Variants in NRG3 observed in about 807,000 individuals in gnomAD.
NRG3 encodes neuregulin 3.
Under a neutral mutation model 66.9 loss-of-function variants are expected in NRG3, and 31 were observed. That is an observed-to-expected ratio of 0.46 (90% CI 0.35 to 0.63). The LOEUF is 0.63. Ranked by LOEUF, NRG3 falls within the 20% of genes least tolerant of loss-of-function variation. The pLI is 0.00. For synonymous variants in NRG3, 393 were observed against 359.4 expected (o/e 1.09, Z -1.06); for missense variants, 910 against 878.9 (o/e 1.04, Z -0.45).
At chr10:82,274,017 C>A (rs140904385) in intron 1 of NRG3, among the ~76,000 whole-genome samples, 1 of 150,704 alleles carries the variant, frequency 6.6e-6, no homozygotes, top group Non-Finnish European at 1.5e-5. Flanking sequence ...TTATTGCAAA[C>A]GTTCTTGCAA....
chr10:82,819,629 A>G (rs572200147), intron 3 of NRG3, among the ~76,000 whole-genome samples: 3 of 152,252 alleles, frequency 2.0e-5, no homozygotes, highest in Non-Finnish European at 4.4e-5. Context: ...ATGAGGTGAC[A>G]TACTAAAATA....
chr10:82,170,506 C>T (rs2072487991), intron 1 of NRG3, among the ~76,000 whole-genome samples: 1 of 151,420 alleles, frequency 6.6e-6, no homozygotes, highest in Non-Finnish European at 1.5e-5. Context: ...CCATATGGTT[C>T]ACCATTCAAC....
chr10:82,217,441 G>A (rs1017641623), intron 1 of NRG3, among the ~76,000 whole-genome samples: 2 of 152,198 alleles, frequency 1.3e-5, no homozygotes, highest in Non-Finnish European at 2.9e-5. Flanking sequence ...TACTCTGAGG[G>A]TGAGGCCCAG....
At chr10:82,142,416 G>A (rs1192230473) in intron 1 of NRG3, among the ~76,000 whole-genome samples, 1 of 152,128 alleles carries the variant, frequency 6.6e-6, no homozygotes, top group Non-Finnish European at 1.5e-5. Flanking sequence ...GGATCCTGGG[G>A]TCAAAATGTG....
At chr10:82,076,737 C>T (rs79097622) in intron 1 of NRG3, among the ~76,000 whole-genome samples, 1,988 of 152,264 alleles carry the variant, frequency 0.013, 43 homozygotes, top group East Asian at 0.051. Flanking sequence ...TTACCTTCTG[C>T]CATAAGTGGA....
chr10:82,850,673 A>G lies in NRG3; in HGVS notation c.1028-14738A>G, dbSNP rs2063517358. On this transcript the variant is annotated intron_variant, in intron 3 of 8. Coordinates refer to ENST00000372141, the MANE Select transcript of NRG3 (RefSeq NM_001010848.4). ...TGTTTAAATATTTTGTTTAGTTGCC[A>G]TACAAATTACCTTATTTTAGACTCC... is the stretch of plus-strand genomic sequence containing the variant. Among the ~76,000 whole-genome samples the G allele has an allele frequency of 2.0e-5, 3 of 152,086 alleles. No homozygotes were observed. The South Asian group carries it at 6.2e-4, about 32-fold the overall frequency.
intron 1 of NRG3, among the ~76,000 whole-genome samples, chr10:82,199,766 C>G (rs2074673494): frequency 6.6e-6 from 1 of 152,024 alleles, no homozygotes. Context: ...ACACTTGGTG[C>G]CTACAATATT....
intron 4 of NRG3, among the ~76,000 whole-genome samples, chr10:82,941,158 G>A (rs1164023040): frequency 6.6e-6 from 1 of 152,024 alleles, no homozygotes; most frequent in Non-Finnish European, 1.5e-5. Context: ...AGGGTTGCTT[G>A]TAGCAAGGCT....
intron 2 of NRG3, among the ~76,000 whole-genome samples, chr10:82,379,707 G>T (rs1589915449): frequency 6.6e-6 from 1 of 152,002 alleles, no homozygotes; most frequent in Admixed American, 6.6e-5. Context: ...TTGGACATTA[G>T]TATCTTTGTA....
At chr10:82,554,173 AT>A (rs1819440048) in intron 2 of NRG3, among the ~76,000 whole-genome samples, 1 of 152,150 alleles carries the variant, frequency 6.6e-6, no homozygotes, top group South Asian at 2.1e-4. Context: ...ATTTCACAGT[AT>A]GTTTTAAGTG....
At chr10:82,640,870 G>A (rs1408049884) in intron 2 of NRG3, among the ~76,000 whole-genome samples, 1 of 151,976 alleles carries the variant, frequency 6.6e-6, no homozygotes, top group Admixed American at 6.6e-5. Context: ...TTTTTAAAGT[G>A]CCTTGCAAAT....
intron 2 of NRG3, among the ~76,000 whole-genome samples, chr10:82,484,393 C>T (rs1213149440): frequency 1.3e-5 from 2 of 152,102 alleles, no homozygotes; most frequent in Non-Finnish European, 2.9e-5. Flanking sequence ...TAGCTTTGTC[C>T]TTGGGTTTGT....
intron 1 of NRG3, among the ~76,000 whole-genome samples, chr10:81,932,590 A>G (rs1216945282): frequency 6.6e-6 from 1 of 152,206 alleles, no homozygotes; most frequent in Non-Finnish European, 1.5e-5. Flanking sequence ...CTCATGCATC[A>G]TCCCTCTGAA....
intron 1 of NRG3, among the ~76,000 whole-genome samples, chr10:82,208,818 G>A (rs532967856): frequency 1.0e-3 from 153 of 152,132 alleles, no homozygotes; most frequent in African/African-American, 3.6e-3. Flanking sequence ...TGGCTCATTA[G>A]CAAGCTGTTG....
chr10:82,325,935 T>G (rs1048020152), intron 1 of NRG3, among the ~76,000 whole-genome samples: 1 of 152,232 alleles, frequency 6.6e-6, no homozygotes, highest in African/African-American at 2.4e-5. Context: ...TTGGAATATT[T>G]AAATGAAAAG....
chr10:82,907,736 C>G (rs765602078), intron 4 of NRG3, among the ~76,000 whole-genome samples: 52 of 152,174 alleles, frequency 3.4e-4, no homozygotes, highest in Non-Finnish European at 7.4e-5. Context: ...TTTAATTCCA[C>G]AGGTATTTTT....
At chr10:82,474,489 G>T (rs1292076276) in intron 2 of NRG3, among the ~76,000 whole-genome samples, 14 of 152,054 alleles carry the variant, frequency 9.2e-5, no homozygotes, top group African/African-American at 2.4e-5. Context: ...TCACTAGAAG[G>T]GTTCAACAGC....
At chr10:82,879,421 C>G (rs1479860313) in intron 4 of NRG3, among the ~76,000 whole-genome samples, 2 of 151,276 alleles carry the variant, frequency 1.3e-5, no homozygotes, top group East Asian at 1.9e-4. Flanking sequence ...GAGATTTCCT[C>G]TGCTTAAGCA....
At chr10:82,857,910 A>G (rs1277971781) in intron 3 of NRG3, among the ~76,000 whole-genome samples, 2 of 152,188 alleles carry the variant, frequency 1.3e-5, no homozygotes, top group Non-Finnish European at 2.9e-5. Flanking sequence ...AAAAGGATGA[A>G]GTGATAATAT....
Sources: allele counts gnomAD v4.1 joint callset (sites outside exome capture counted in the v4.1 genomes callset), GRCh38; gene constraint gnomAD v4.1.1; transcripts MANE v1.5; gene names NCBI Gene and HGNC (gene_info 2026-07-23, HGNC 2026-07-21).